Variants in LRIG1 observed in about 807,000 individuals in gnomAD.
LRIG1 encodes leucine-rich repeats and immunoglobulin-like domains protein 1.
A neutral mutation model predicts 99.2 loss-of-function variants in LRIG1; 48 were observed. That is an observed-to-expected ratio of 0.48 (90% CI 0.38 to 0.62). The LOEUF (loss-of-function observed/expected upper bound fraction) is 0.62. Ranked by LOEUF, LRIG1 falls within the 20% of genes least tolerant of loss-of-function variation. LRIG1 has a pLI of 0.00. For synonymous variants in LRIG1, 772 were observed against 596.1 expected, an observed-to-expected ratio of 1.29 and a Z score of -4.30; for missense variants, 1,646 against 1,434.4, an observed-to-expected ratio of 1.15 and a Z score of -2.38.
chr3:66,489,978 AC>A (rs1701066346), intron 1 of LRIG1, among the ~76,000 whole-genome samples: 4 of 152,232 alleles, frequency 2.6e-5, no homozygotes, highest in African/African-American at 9.6e-5. Context: ...CCACGACTTC[AC>A]ATAAAGTTTC....
At position 66,383,971 on chromosome 3, in the gene LRIG1, C is replaced by CAG. The variant is rs1553711111; in HGVS notation, c.2071+18_2071+19dup. The CAG allele has an allele frequency of 6.2e-7, 1 of 1,609,438 alleles. No individual in the cohort carries two copies. Among genetic ancestry groups the CAG allele is most frequent in the Admixed American group, 1.7e-5 (1 of 59,862 alleles). ...GCTCACACACACACACACACACACA[C>CAG]AGTAGAGCAATAGGCAAACCTAGGA... is the stretch of plus-strand genomic sequence containing the variant. On this transcript the variant is annotated intron_variant, in intron 14 of 18. Coordinates refer to ENST00000273261, the MANE Select transcript of LRIG1 (RefSeq NM_015541.3).
rs114743868 is a variant in LRIG1, at chr3:66,464,657, G to C, written c.219-2148C>G. Among the ~76,000 whole-genome samples the C allele has an allele frequency of 6.0e-3, 921 of 152,276 alleles. 3 individuals are homozygous for C. Among genetic ancestry groups the C allele is most frequent in the African/African-American group, 0.021 (864 of 41,554 alleles). ...GTTTCTGGCTTACACATGTGGCCTG[G>C]ATAGAGCTAGGGCTCACCAGGTCTT... On this transcript the variant is annotated intron_variant, in intron 1 of 18. Transcript: ENST00000273261.
chr3:66,500,448 T>A lies in LRIG1; in HGVS notation c.-41A>T. Reference sequence around the variant, plus strand: ...CTGCGAACTCCGGGCGCGGGGACTGTGAGGACCCGAACGGCCGCAGACGCG... The same window carrying A: ...CTGCGAACTCCGGGCGCGGGGACTGAGAGGACCCGAACGGCCGCAGACGCG... On this transcript the variant is annotated 5_prime_UTR_variant, in exon 1 of 19. Coordinates refer to ENST00000273261, the MANE Select transcript of LRIG1 (RefSeq NM_015541.3). The A allele has an allele frequency of 8.0e-7, 1 of 1,252,036 alleles. No individual in the cohort carries two copies. The highest frequency in any genetic ancestry group is 1.0e-6 in the Non-Finnish European group (1 of 975,690). 77.6% of individuals were successfully genotyped at this position (1,252,036 alleles called of 1,614,324 possible). A position where few individuals can be genotyped will look rare whatever the true frequency, so the allele number is the denominator to read the frequency against.
chr3:66,447,644 A>G (rs1703770471), intron 3 of LRIG1, among the ~76,000 whole-genome samples: 1 of 152,198 alleles, frequency 6.6e-6, no homozygotes, highest in South Asian at 2.1e-4. Context: ...GACAAGGCCA[A>G]CCCTATGGGT....
At chr3:66,470,287 T>C (rs1285136782) in intron 1 of LRIG1, among the ~76,000 whole-genome samples, 1 of 152,176 alleles carries the variant, frequency 6.6e-6, no homozygotes, top group Non-Finnish European at 1.5e-5. Context: ...CTAGCATGGA[T>C]AACATGAATG....
intron 1 of LRIG1, among the ~76,000 whole-genome samples, chr3:66,499,359 A>C (rs1329275245): frequency 6.6e-6 from 1 of 152,202 alleles, no homozygotes; most frequent in African/African-American, 2.4e-5. Context: ...CCTCTCCTGA[A>C]GCAGCACTTC....
In LRIG1 at chr3:66,394,164, C is replaced by G; in HGVS notation, c.1344G>C (p.Leu448=). The G allele has an allele frequency of 6.2e-7, 1 of 1,608,768 alleles. No homozygotes were observed. Among genetic ancestry groups the G allele is most frequent in the Non-Finnish European group, 8.5e-7 (1 of 1,177,648 alleles). Residue 448 remains leucine (L), a synonymous_variant, in exon 12 of 19, where the codon CTG becomes CTC. Transcript: ENST00000273261. ...CAATTAGCCACGGGGGCAGCCACTT[C>G]AGCTGGCAGTCACACAGGAAGCTGT... is the stretch of plus-strand genomic sequence containing the variant. ...SSDSFLCDCQ[L]KWLPPWLIGR... is the part of the protein sequence containing the mutation.
chr3:66,392,411 A>G (rs920201729), intron 12 of LRIG1, among the ~76,000 whole-genome samples: 1 of 152,186 alleles, frequency 6.6e-6, no homozygotes. Flanking sequence ...TCCCACCAGC[A>G]GTGTAGGAGG....
intron 5 of LRIG1, among the ~76,000 whole-genome samples, chr3:66,414,382 C>G (rs1334887090): frequency 6.6e-6 from 1 of 150,962 alleles, no homozygotes; most frequent in South Asian, 2.1e-4. Flanking sequence ...GGGGACAGAG[C>G]GAGACTGTCG....
In LRIG1 at chr3:66,378,944, T is replaced by A. The variant is rs188227632; in HGVS notation, c.*1319A>T. ...TAAAAGTAATACTCCCTCTTTCACA[T>A]TGCCTCTCAGAAGCAGCAAATTCAC... On this transcript the variant is annotated 3_prime_UTR_variant, in exon 19 of 19. Coordinates refer to ENST00000273261, the MANE Select transcript of LRIG1 (RefSeq NM_015541.3). 1.3e-5 allele frequency: 2 copies of A among 152,668 alleles called. No individual in the cohort carries two copies. Among genetic ancestry groups the A allele is most frequent in the Non-Finnish European group, 2.9e-5 (2 of 68,038 alleles). 9.5% of individuals were successfully genotyped at this position (152,668 alleles called of 1,614,324 possible).
At chr3:66,498,935 A>T (rs1701288909) in intron 1 of LRIG1, among the ~76,000 whole-genome samples, 1 of 152,204 alleles carries the variant, frequency 6.6e-6, no homozygotes, top group Non-Finnish European at 1.5e-5. Flanking sequence ...TTCTTCGATC[A>T]AGCCACAGGT....
chr3:66,386,062 C>G lies in LRIG1; in HGVS notation c.1708G>C (p.Gly570Arg). The change falls in exon 13 of 19, where the codon GGG becomes CGG. Residue 570 changes from glycine to arginine, a missense_variant. Coordinates refer to ENST00000273261, the MANE Select transcript of LRIG1 (RefSeq NM_015541.3). ...TILHLRQVTF[G>R]HEGRYQCVIT... Reference sequence around the variant, plus strand: ...ACACATTGGTAGCGGCCCTCGTGCCCGAAAGTGACCTGACGGAGGTGCAGG... The same window carrying G: ...ACACATTGGTAGCGGCCCTCGTGCCGGAAAGTGACCTGACGGAGGTGCAGG... The G allele has an allele frequency of 6.2e-7, 1 of 1,614,154 alleles. No individual in the cohort carries two copies.
In LRIG1 at chr3:66,416,961, G is replaced by A. The variant is rs1480712273; in HGVS notation, c.503+168C>T. Among the ~76,000 whole-genome samples, 4 of 152,318 alleles carry A rather than the reference G, an allele frequency of 2.6e-5. No individual in the cohort carries two copies. Among genetic ancestry groups the A allele is most frequent in the Non-Finnish European group, 4.4e-5 (3 of 68,028 alleles). Reference sequence around the variant, plus strand: ...TGGACGTGCTCTATGCATGGGGCTCGCCCCTGCCCTGCTCAGGGAAGGTCT... The same window carrying A: ...TGGACGTGCTCTATGCATGGGGCTCACCCCTGCCCTGCTCAGGGAAGGTCT... On this transcript the variant is annotated intron_variant, in intron 4 of 18. Coordinates refer to ENST00000273261, the MANE Select transcript of LRIG1 (RefSeq NM_015541.3).
intron 1 of LRIG1, among the ~76,000 whole-genome samples, chr3:66,489,045 T>C (rs1701039766): frequency 6.6e-6 from 1 of 152,278 alleles, no homozygotes; most frequent in African/African-American, 2.4e-5. Flanking sequence ...CCTCCACAGT[T>C]TTCTTTGGGC....
intron 1 of LRIG1, among the ~76,000 whole-genome samples, chr3:66,490,003 A>G (rs758626553): frequency 7.9e-5 from 12 of 152,200 alleles, no homozygotes; most frequent in Non-Finnish European, 1.6e-4. Context: ...CAAGTAAATA[A>G]TAAGGTCAGC....
At chr3:66,388,663 A>T (rs952073992) in intron 12 of LRIG1, among the ~76,000 whole-genome samples, 1 of 152,208 alleles carries the variant, frequency 6.6e-6, no homozygotes, top group Non-Finnish European at 1.5e-5. Flanking sequence ...CTGATTTCTT[A>T]CCAGAACCCA....
At position 66,500,341 on chromosome 3, in the gene LRIG1, GC is replaced by G; in HGVS notation, c.66del (p.Trp22CysfsTer10). 1 of 1,493,990 alleles carries G rather than the reference GC, an allele frequency of 6.7e-7. No homozygotes were observed. Among genetic ancestry groups the G allele is most frequent in the Non-Finnish European group, 8.9e-7 (1 of 1,127,576 alleles). The allele number at this position is 1,493,990 out of a possible 1,614,324, so 92.5% of individuals were successfully genotyped here. On this transcript the variant is annotated frameshift_variant, in exon 1 of 19. Transcript: ENST00000273261. LOFTEE classifies it high-confidence loss of function. Reference protein sequence around the residue: ...PRRSPCLLLLWLLLLRLEPVT... With the variant: ...PRRSPCLLLLXLLLLRLEPVT... Reference sequence around the variant, plus strand: ...ACCGGCTCCAGCCGAAGCAAAAGCAGCCAGAGAAGGAGAAGGCAAGGCGAGC... The same window carrying G: ...ACCGGCTCCAGCCGAAGCAAAAGCAGCAGAGAAGGAGAAGGCAAGGCGAGC...
chr3:66,389,139 A>G (rs750517688), intron 12 of LRIG1, among the ~76,000 whole-genome samples: 1 of 152,228 alleles, frequency 6.6e-6, no homozygotes, highest in East Asian at 1.9e-4. Flanking sequence ...ATATTACTGA[A>G]GTTAATTTCA....
At chr3:66,439,851 C>T (rs1033651696) in intron 3 of LRIG1, among the ~76,000 whole-genome samples, 8 of 152,158 alleles carry the variant, frequency 5.3e-5, no homozygotes, top group African/African-American at 1.7e-4. Flanking sequence ...CGCGCACCAC[C>T]AAAGCAACTT....
Sources: allele counts gnomAD v4.1 joint callset (sites outside exome capture counted in the v4.1 genomes callset), GRCh38; gene constraint gnomAD v4.1.1; transcripts MANE v1.5; gene names NCBI Gene and HGNC (gene_info 2026-07-23, HGNC 2026-07-21).